The following REV1 variants were observed in gnomAD, a reference collection of about 807,000 sequenced individuals.
REV1 encodes REV1 DNA directed polymerase, also known as translesion synthesis protein REV1.
A neutral mutation model predicts 137.4 loss-of-function variants in REV1; 42 were observed. That is an observed-to-expected ratio of 0.31 (90% CI 0.24 to 0.40). REV1 has a LOEUF of 0.40. Ranked by LOEUF, REV1 falls within the 10% of genes least tolerant of loss-of-function variation. The pLI, the probability that REV1 is intolerant of heterozygous loss-of-function variation, is 1.00. For missense variants in REV1, 1,282 were observed against 1,490.1 expected (o/e 0.86, Z 2.30); for synonymous variants, 524 against 519.2 (o/e 1.01, Z -0.12).
chr2:99,453,335 GCAACAGAGCAAGA>G (rs978131464), intron 3 of REV1, among the ~76,000 whole-genome samples: 3 of 149,122 alleles, frequency 2.0e-5, no homozygotes, highest in Admixed American at 6.7e-5. Context: ...CTCCAGCCTG[GCAACAGAGCAAGA>G]CTGTCTCAAA....
chr2:99,484,550 A>G (rs1174422109), intron 1 of REV1, among the ~76,000 whole-genome samples: 1 of 152,054 alleles, frequency 6.6e-6, no homozygotes, highest in African/African-American at 2.4e-5. Flanking sequence ...ACAAAGCTGA[A>G]GCACCAAGAC....
At chr2:99,424,068 A>G (rs1286769307) in intron 10 of REV1, 84 bp downstream of exon 10, 1 of 1,400,682 alleles carries the variant, frequency 7.1e-7, no homozygotes, top group Non-Finnish European at 9.7e-7. Flanking sequence ...GATCCTGACA[A>G]TCCTAAAGAA....
intron 6 of REV1, among the ~76,000 whole-genome samples, chr2:99,438,341 G>C (rs1429808115): frequency 6.6e-6 from 1 of 152,140 alleles, no homozygotes; most frequent in Non-Finnish European, 1.5e-5. Context: ...GTCTACGTGA[G>C]GAATGAATGC....
rs750252112 is a variant in REV1 at position 99,418,915 on chromosome 2, T to C, written c.1864A>G (p.Arg622Gly). The C allele has an allele frequency of 3.1e-6, 5 of 1,612,644 alleles. No individual in the cohort carries two copies. In the South Asian group the frequency reaches 3.3e-5, roughly 11 times the overall value. ...TACTGCCCATCTGGTTTTGCTTTTC[T>C]AGTTGCCATTCTAGCCAGGAGAATA... ...SNILLARMAT[R>G]KAKPDGQYHL... is the part of the protein sequence containing the mutation. The change falls in exon 12 of 23, where the codon AGA (arginine) becomes GGA (glycine). Residue 622 changes from arginine to glycine, a missense_variant. Physicochemically the swap from Arg to Gly is moderately radical, Grantham distance 125. This residue lies in a region of REV1 where 372 missense variants were observed against 482.3 expected (regional missense o/e 0.77). Transcript: ENST00000258428.
intron 8 of REV1, among the ~76,000 whole-genome samples, chr2:99,431,108 G>A (rs1348356005): frequency 6.6e-6 from 1 of 152,150 alleles, no homozygotes; most frequent in Non-Finnish European, 1.5e-5. Flanking sequence ...CTGGCTTCAT[G>A]GGCTTAAACA....
At chr2:99,425,820 TGA>T (rs1679264659) in intron 9 of REV1, among the ~76,000 whole-genome samples, 1 of 152,072 alleles carries the variant, frequency 6.6e-6, no homozygotes, top group African/African-American at 2.4e-5. Flanking sequence ...GCAGATCACC[TGA>T]GAGGGGGAGT....
intron 13 of REV1, among the ~76,000 whole-genome samples, 174 bp downstream of exon 13, chr2:99,412,557 C>A (rs768005798): frequency 6.6e-6 from 1 of 152,234 alleles, no homozygotes; most frequent in East Asian, 1.9e-4. Context: ...TCAGTCTTAT[C>A]TGGGGCTACA....
upstream of REV1, chr2:99,490,102 CACAGCCG>C (rs1293922534): frequency 6.0e-5 from 9 of 149,762 alleles, no homozygotes; most frequent in Admixed American, 2.0e-4. Context: ...CGCTCGCGCT[CACAGCCG>C]CGCGGCGCAC....
chr2:99,484,031 A>G (rs1334806028), intron 1 of REV1, among the ~76,000 whole-genome samples: 2 of 147,930 alleles, frequency 1.4e-5, no homozygotes, highest in African/African-American at 4.9e-5. Flanking sequence ...AAATTTATGT[A>G]AAAACATCCC....
At chr2:99,425,036 G>A in intron 9 of REV1, 20 of 603,582 alleles carry the variant, frequency 3.3e-5, no homozygotes, top group South Asian at 1.4e-4. Context: ...ACTCTGTAAA[G>A]AATCAAGAAA....
intron 19 of REV1, chr2:99,403,399 T>C (rs1023648770): frequency 3.8e-5 from 21 of 557,908 alleles, no homozygotes; most frequent in African/African-American, 2.4e-4. Context: ...TCCTTTAATG[T>C]ATTCATCTCA....
intron 4 of REV1, among the ~76,000 whole-genome samples, chr2:99,444,719 T>G (rs1681969289): frequency 6.6e-6 from 1 of 152,212 alleles, no homozygotes; most frequent in South Asian, 2.1e-4. Context: ...AGTTGTATAC[T>G]CCTAACTACC....
At chr2:99,476,673 T>C (rs915211604) in intron 1 of REV1, among the ~76,000 whole-genome samples, 3 of 152,190 alleles carry the variant, frequency 2.0e-5, no homozygotes, top group Non-Finnish European at 4.4e-5. Flanking sequence ...CTTTGAGCCA[T>C]GTATTATCAA....
In REV1 at chr2:99,408,185, T is replaced by C. The variant is rs1473137715; in HGVS notation, c.2346-54A>G. The C allele has an allele frequency of 4.0e-6, 4 of 998,042 alleles. No homozygotes were observed. The African/African-American group carries it at 6.6e-5, about 16-fold the overall frequency. The allele number at this position is 998,042 out of a possible 1,614,324, so 61.8% of individuals were successfully genotyped here. ...GCTTCATTCCATATGTATTCACTAG[T>C]ACTAAAGTAGTATGGAACTGTTTAA... On this transcript the variant is annotated intron_variant, in intron 14 of 22. Transcript: ENST00000258428.
At chr2:99,483,481 T>G (rs1271354800) in intron 1 of REV1, among the ~76,000 whole-genome samples, 1 of 152,156 alleles carries the variant, frequency 6.6e-6, no homozygotes, top group Admixed American at 6.5e-5. Flanking sequence ...CCAACTTTTT[T>G]TGCCCATCAC....
intron 4 of REV1, 24 bp downstream of exon 4, chr2:99,449,312 T>A: frequency 7.5e-7 from 1 of 1,336,176 alleles, no homozygotes. Context: ...AATTTATTAA[T>A]TAAATTTAAT....
At chr2:99,487,124 G>A (rs1687233686) in intron 1 of REV1, among the ~76,000 whole-genome samples, 1 of 152,310 alleles carries the variant, frequency 6.6e-6, no homozygotes, top group South Asian at 2.1e-4. Flanking sequence ...AGAATAGTAA[G>A]TATAACATCC....
intron 1 of REV1, among the ~76,000 whole-genome samples, chr2:99,466,605 T>C (rs1376629968): frequency 6.6e-6 from 1 of 152,202 alleles, no homozygotes; most frequent in African/African-American, 2.4e-5. Context: ...TTTTGTTTGT[T>C]GACATTTATA....
chr2:99,406,005 T>C lies in REV1; in HGVS notation c.2716A>G (p.Lys906Glu). ...TTCCATTTCCCTGAAGACTCAGCCT[T>C]GTTAGTATCAGGACTGGTCGGCAGA... ...AHLPTSPDTN[K>E]AESSGKWNGL... The change falls in exon 17 of 23, where the codon AAG becomes GAG. Residue 906 changes from lysine to glutamate, a missense_variant. This residue lies in a region of REV1 where 135 missense variants were observed against 123.3 expected (regional missense o/e 1.10). Transcript: ENST00000258428. 1 of 1,614,032 alleles carries C rather than the reference T, an allele frequency of 6.2e-7. No individual in the cohort carries two copies. Among genetic ancestry groups the C allele is most frequent in the South Asian group, 1.1e-5 (1 of 91,076 alleles).
Sources: allele counts gnomAD v4.1 joint callset (sites outside exome capture counted in the v4.1 genomes callset), GRCh38; gene constraint gnomAD v4.1.1; regional missense constraint gnomAD v4.1.1; transcripts MANE v1.5; gene names NCBI Gene and HGNC (gene_info 2026-07-23, HGNC 2026-07-21).